CCDC7: variants seen among roughly 807,000 people sequenced by gnomAD.
The protein encoded by CCDC7 is coiled-coil domain containing 7.
Under a neutral mutation model 196.9 loss-of-function variants are expected in CCDC7, and 183 were observed. The observed-to-expected ratio is 0.93, with a 90% CI of 0.82 to 1.05. The LOEUF is 1.05. Ranked by LOEUF, CCDC7 falls within the 50% of genes least tolerant of loss-of-function variation. The pLI is 0.00. For synonymous variants in CCDC7, 525 were observed against 484.6 expected (o/e 1.08, Z -1.10); for missense variants, 1,540 against 1,482.2 (o/e 1.04, Z -0.64).
At chr10:32,617,412 G>A (rs1030841851) in intron 18 of CCDC7, among the ~76,000 whole-genome samples, 9 of 151,402 alleles carry the variant, frequency 5.9e-5, no homozygotes, top group South Asian at 2.1e-4. Flanking sequence ...CTACTTTTTT[G>A]TTGTAGGCTT....
intron 29 of CCDC7, among the ~76,000 whole-genome samples, chr10:32,791,459 TAGAC>T (rs200732434): frequency 0.039 from 5,962 of 151,838 alleles, 123 homozygotes; most frequent in Middle Eastern, 0.051. Context: ...AAAATACAAA[TAGAC>T]AGTTCACTGA....
At chr10:32,808,527 C>T (rs186890665) in intron 30 of CCDC7, among the ~76,000 whole-genome samples, 1 of 152,234 alleles carries the variant, frequency 6.6e-6, no homozygotes, top group East Asian at 1.9e-4. Flanking sequence ...TTGCCCACAT[C>T]ATGTACACTG....
chr10:32,641,596 A>T (rs997544165), intron 20 of CCDC7, among the ~76,000 whole-genome samples: 2 of 152,196 alleles, frequency 1.3e-5, no homozygotes, highest in African/African-American at 4.8e-5. Flanking sequence ...AATGGGTTCG[A>T]ACTTCCTCCT....
rs549148924 is a variant in CCDC7 at position 32,472,551 on chromosome 10, A to G, written c.739+9A>G. ...GGCACAGAAAATTGAAGGTGATAAT[A>G]TTTTATATATGTTTATCCTTAAAAA... On this transcript the variant is annotated intron_variant, in intron 7 of 41. Coordinates refer to ENST00000639629, the Ensembl canonical transcript of CCDC7. 1.5e-4 allele frequency: 229 copies of G among 1,551,724 alleles called. 1 individual carries two copies. The East Asian group carries it at 5.4e-3, about 36-fold the overall frequency.
intron 13 of CCDC7, 185 bp downstream of exon 14, chr10:32,544,486 C>T: frequency 2.4e-6 from 1 of 417,138 alleles, no homozygotes; most frequent in Non-Finnish European, 4.1e-6. Context: ...ATGGACTCTT[C>T]TCATCAAAGT....
chr10:32,626,509 G>T (rs1355457054), intron 18 of CCDC7, among the ~76,000 whole-genome samples: 1 of 151,654 alleles, frequency 6.6e-6, no homozygotes, highest in East Asian at 1.9e-4. Flanking sequence ...CTAATTCATA[G>T]GTTGTCTCTT....
At chr10:32,742,214 C>A (rs1160763103) in intron 28 of CCDC7, among the ~76,000 whole-genome samples, 2 of 152,080 alleles carry the variant, frequency 1.3e-5, no homozygotes, top group Non-Finnish European at 2.9e-5. Context: ...CAGTTCACAG[C>A]AAAATTGAGC....
At chr10:32,757,084 G>T (rs1338507714) in intron 28 of CCDC7, among the ~76,000 whole-genome samples, 2 of 152,168 alleles carry the variant, frequency 1.3e-5, no homozygotes, top group African/African-American at 4.8e-5. Flanking sequence ...CAATACAGGA[G>T]CACCCAGATT....
At chr10:32,785,102 A>T (rs1198102137) in intron 29 of CCDC7, among the ~76,000 whole-genome samples, 1 of 152,216 alleles carries the variant, frequency 6.6e-6, no homozygotes, top group African/African-American at 2.4e-5. Flanking sequence ...CACTATTTTC[A>T]TCTCTATCAA....
intron 31 of CCDC7, among the ~76,000 whole-genome samples, chr10:32,821,906 C>T (rs569585442): frequency 2.6e-5 from 4 of 151,752 alleles, no homozygotes; most frequent in Non-Finnish European, 5.9e-5. Flanking sequence ...CACATGTATA[C>T]ATATGTAACA....
chr10:32,547,589 TA>T (rs200971752), intron 13 of CCDC7, among the ~76,000 whole-genome samples: 8,081 of 151,646 alleles, frequency 0.053, 706 homozygotes, highest in African/African-American at 0.18. Flanking sequence ...CTTATTTTAT[TA>T]AAAAAAAATT....
At chr10:32,591,801 C>T (rs1297803021) in intron 18 of CCDC7, among the ~76,000 whole-genome samples, 2 of 152,092 alleles carry the variant, frequency 1.3e-5, no homozygotes, top group Non-Finnish European at 2.9e-5. Flanking sequence ...TGGGATTCAC[C>T]CTTCAGGGCA....
chr10:32,554,043 T>G (rs1405267548), intron 13 of CCDC7, among the ~76,000 whole-genome samples: 1 of 152,148 alleles, frequency 6.6e-6, no homozygotes, highest in Admixed American at 6.5e-5. Flanking sequence ...TGGAGTTGTG[T>G]ACCTAGGAGG....
Position 32,711,736 on chromosome 10 carries a change from TATA to T in CCDC7, c.2569+9_2569+11del, listed in dbSNP as rs1335474801. 1 of 1,477,528 alleles carries T rather than the reference TATA, an allele frequency of 6.8e-7. No individual in the cohort carries two copies. The highest frequency in any genetic ancestry group is 2.3e-5 in the Admixed American group (1 of 44,126). 91.5% of individuals were successfully genotyped at this position (1,477,528 alleles called of 1,614,324 possible). A position where few individuals can be genotyped will look rare whatever the true frequency, so the allele number is the denominator to read the frequency against. ...TGAAGGAGAAGGACGTAGCAGTAAG[TATA>T]ATGATGATAGCTATTTTATATTATT... On this transcript the variant is annotated splice_region_variant and intron_variant, in intron 25 of 41. Coordinates refer to ENST00000639629, the Ensembl canonical transcript of CCDC7.
intron 28 of CCDC7, among the ~76,000 whole-genome samples, chr10:32,743,126 C>T (rs1301504762): frequency 2.0e-5 from 3 of 152,152 alleles, no homozygotes; most frequent in Non-Finnish European, 4.4e-5. Flanking sequence ...TGTAAACATC[C>T]ATGTGCAGGT....
intron 11 of CCDC7, among the ~76,000 whole-genome samples, chr10:32,533,173 A>G (rs779523072): frequency 2.4e-4 from 37 of 151,844 alleles, no homozygotes; most frequent in Non-Finnish European, 1.8e-4. Flanking sequence ...AGAACATTGT[A>G]TAGATATAAC....
chr10:32,678,021 T>A (rs1282115451), intron 21 of CCDC7, among the ~76,000 whole-genome samples: 2 of 152,122 alleles, frequency 1.3e-5, no homozygotes, highest in African/African-American at 2.4e-5. Context: ...TTTTTCAGTT[T>A]ATCCATTGTG....
intron 8 of CCDC7, among the ~76,000 whole-genome samples, chr10:32,478,550 T>C (rs2039417859): frequency 6.6e-6 from 1 of 152,162 alleles, no homozygotes; most frequent in African/African-American, 2.4e-5. Flanking sequence ...TCAAATACGT[T>C]TTCTGCATTT....
chr10:32,575,374 T>A (rs2058076304), intron 16 of CCDC7, among the ~76,000 whole-genome samples: 1 of 152,178 alleles, frequency 6.6e-6, no homozygotes, highest in African/African-American at 2.4e-5. Context: ...ATAGTACGCA[T>A]AAGGTAGATT....
Sources: allele counts gnomAD v4.1 joint callset (sites outside exome capture counted in the v4.1 genomes callset), GRCh38; gene constraint gnomAD v4.1.1; transcripts MANE v1.5; gene names NCBI Gene and HGNC (gene_info 2026-07-23, HGNC 2026-07-21).